The following SLC25A27 variants were observed in gnomAD, a reference collection of about 807,000 sequenced individuals.
SLC25A27 encodes the protein mitochondrial uncoupling protein 4.
Under a neutral mutation model 49.1 loss-of-function variants are expected in SLC25A27, and 35 were observed. That is an observed-to-expected ratio of 0.71 (90% CI 0.54 to 0.95). The LOEUF is 0.95. Among genes scored for constraint, SLC25A27 ranks in the 40% least tolerant of loss-of-function variants. SLC25A27 has a pLI of 0.00. For missense variants in SLC25A27, 339 were observed against 397.1 expected (o/e 0.85, Z 1.24); for synonymous variants, 144 against 136.9 (o/e 1.05, Z -0.36).
intron 3 of SLC25A27, among the ~76,000 whole-genome samples, chr6:46,660,800 GTACTAAGCTA>G (rs1763137490): frequency 6.6e-6 from 1 of 152,136 alleles, no homozygotes; most frequent in South Asian, 2.1e-4. Flanking sequence ...AAATTGTAAT[GTACTAAGCTA>G]TACTAATTGC....
At chr6:46,666,296 C>T (rs1367845125) in intron 5 of SLC25A27, among the ~76,000 whole-genome samples, 4 of 152,144 alleles carry the variant, frequency 2.6e-5, no homozygotes, top group Non-Finnish European at 5.9e-5. Flanking sequence ...ATGTCCATAT[C>T]CTCCACTATA....
intron 6 of SLC25A27, among the ~76,000 whole-genome samples, chr6:46,669,858 A>C (rs1025209230): frequency 1.3e-5 from 2 of 152,126 alleles, no homozygotes; most frequent in Admixed American, 6.6e-5. Flanking sequence ...TCCCAAGTGA[A>C]GTATAAGCTC....
intron 4 of SLC25A27, among the ~76,000 whole-genome samples, chr6:46,664,322 A>G (rs1763256681): frequency 1.3e-5 from 2 of 152,106 alleles, no homozygotes; most frequent in Non-Finnish European, 2.9e-5. Flanking sequence ...TGTCCTTTTT[A>G]CTTCTTAGTC....
chr6:46,654,737 T>C (rs1762915297), intron 1 of SLC25A27, among the ~76,000 whole-genome samples: 1 of 152,190 alleles, frequency 6.6e-6, no homozygotes, highest in Admixed American at 6.5e-5. Context: ...CATATGTCAA[T>C]AAAATATTGC....
rs377488895 is a variant in SLC25A27 at position 46,676,329 on chromosome 6, G to A, written c.901-54G>A. ...TCAAATATATGTATGCACATATGTA[G>A]ACTATTTATAATTGCTTTGAAATAT... On this transcript the variant is annotated intron_variant, in intron 8 of 8. Transcript: ENST00000371347. The A allele has an allele frequency of 5.3e-6, 8 of 1,522,870 alleles. No individual in the cohort carries two copies. In the African/African-American group the frequency reaches 1.1e-4, roughly 21 times the overall value. The allele number at this position is 1,522,870 out of a possible 1,614,324, so 94.3% of individuals were successfully genotyped here.
intron 6 of SLC25A27, 26 bp downstream of exon 6, chr6:46,668,819 G>GTTT (rs374104510): frequency 1.3e-4 from 137 of 1,048,584 alleles, no homozygotes; most frequent in South Asian, 2.2e-4. Flanking sequence ...GTTGGACTCT[G>GTTT]TTTTTTTTTT....
At chr6:46,664,043 T>C (rs1204348712) in intron 4 of SLC25A27, among the ~76,000 whole-genome samples, 1 of 152,204 alleles carries the variant, frequency 6.6e-6, no homozygotes, top group Non-Finnish European at 1.5e-5. Context: ...CCAATAAATA[T>C]GTGATATTAT....
intron 1 of SLC25A27, 109 bp downstream of exon 1, chr6:46,653,407 C>T (rs1208116319): frequency 7.6e-6 from 11 of 1,441,694 alleles, no homozygotes; most frequent in Admixed American, 5.7e-5. Context: ...GAGGTCGCCC[C>T]TTCCATGCCC....
Position 46,653,060 on chromosome 6 carries a change from C to G in SLC25A27, c.-133C>G. On this transcript the variant is annotated 5_prime_UTR_variant, in exon 1 of 9. Transcript: ENST00000371347. The stretch of plus-strand genomic sequence containing the variant: ...AGGTTGCGGGTCCACCCGGCCGAGC[C>G]GAACGAGGGAAATGGTCCTCACCCG... The G allele has an allele frequency of 1.2e-6, 1 of 830,190 alleles. No individual in the cohort carries two copies. The highest frequency in any genetic ancestry group is 2.4e-5 in the Admixed American group (1 of 41,112). The allele number at this position is 830,190 out of a possible 1,614,324, so 51.4% of individuals were successfully genotyped here.
chr6:46,676,946 A>G lies in SLC25A27; in HGVS notation c.*492A>G, dbSNP rs1763817020. The stretch of plus-strand genomic sequence containing the variant: ...CACTTTTCTGTCATTGTTAAAGCGT[A>G]CATACTGTAAATTAAAGGGAGGTGA... On this transcript the variant is annotated 3_prime_UTR_variant, in exon 9 of 9. Transcript: ENST00000371347. The G allele has an allele frequency of 5.0e-6, 2 of 401,386 alleles. No individual in the cohort carries two copies. Among genetic ancestry groups the G allele is most frequent in the East Asian group, 3.7e-5 (1 of 26,924 alleles). The allele number at this position is 401,386 out of a possible 1,614,324, so 24.9% of individuals were successfully genotyped here.
At chr6:46,676,362 C>G (rs765739023) in intron 8 of SLC25A27, 21 bp from the exon 9 acceptor site, 2 of 1,611,000 alleles carry the variant, frequency 1.2e-6, no homozygotes, top group Non-Finnish European at 1.7e-6. Flanking sequence ...TATGCACTAA[C>G]TTCTTTGGTT....
chr6:46,653,461 A>C, intron 1 of SLC25A27, 163 bp downstream of exon 1: 2 of 985,298 alleles, frequency 2.0e-6, no homozygotes, highest in Non-Finnish European at 1.2e-6. Context: ...CGGTGGGAGG[A>C]GGAGGGATTG....
chr6:46,674,826 G>A (rs1763703898), intron 8 of SLC25A27, among the ~76,000 whole-genome samples: 1 of 152,126 alleles, frequency 6.6e-6, no homozygotes, highest in Non-Finnish European at 1.5e-5. Context: ...AAAACAGGAA[G>A]AGCTTATTTG....
intron 1 of SLC25A27, 26 bp from the exon 2 acceptor site, chr6:46,655,817 T>G (rs1162311433): frequency 6.2e-7 from 1 of 1,602,848 alleles, no homozygotes. Context: ...GTTGTGGGTT[T>G]TTCCCTGCAT....
At position 46,678,032 on chromosome 6, in the gene SLC25A27, A is replaced by T. The variant is rs986994806; in HGVS notation, c.*1578A>T. On this transcript the variant is annotated 3_prime_UTR_variant, in exon 9 of 9. Transcript: ENST00000371347. ...ATATGTAATTGCGTTGTAAAATATT[A>T]TATATATATATATATATATATATAT... 7.5e-5 allele frequency: 3 copies of T among 40,110 alleles called. No homozygotes were observed. Among genetic ancestry groups the T allele is most frequent in the African/African-American group, 2.3e-4 (3 of 12,974 alleles). The allele number at this position is 40,110 out of a possible 1,614,324, so 2.5% of individuals were successfully genotyped here.
At chr6:46,667,286 AC>A (rs1763355941) in intron 5 of SLC25A27, among the ~76,000 whole-genome samples, 2 of 152,108 alleles carry the variant, frequency 1.3e-5, no homozygotes, top group African/African-American at 4.8e-5. Flanking sequence ...CCAGAATCTG[AC>A]CAGGGCTCCA....
At chr6:46,663,816 T>G (rs1464975146) in intron 4 of SLC25A27, among the ~76,000 whole-genome samples, 1 of 152,188 alleles carries the variant, frequency 6.6e-6, no homozygotes, top group Non-Finnish European at 1.5e-5. Flanking sequence ...ATATTTTAGC[T>G]TTGTAATCAT....
In SLC25A27 at chr6:46,675,947, T is replaced by C. The variant is rs1005580253; in HGVS notation, c.901-436T>C. On this transcript the variant is annotated intron_variant, in intron 8 of 8. Transcript: ENST00000371347. ...CCTCACTTTCAAGTTCTAAAGTGAC[T>C]TATTTTTATGCTCCATATACAAACT... 8.5e-5 allele frequency among the ~76,000 whole-genome samples: 13 copies of C among 152,188 alleles called. No homozygotes were observed. The East Asian group carries it at 2.3e-3, about 27-fold the overall frequency.
Position 46,659,860 on chromosome 6 carries a change from A to G in SLC25A27, c.383+814A>G, listed in dbSNP as rs899035625. ...ACAGAGCAAGGCTCTGTCTCAAAAA[A>G]TATAAAATAAAAATAAAAAATTGCA... is the stretch of plus-strand genomic sequence containing the variant. On this transcript the variant is annotated intron_variant, in intron 3 of 8. Coordinates refer to ENST00000371347, the MANE Select transcript of SLC25A27 (RefSeq NM_004277.5). 4.7e-5 allele frequency among the ~76,000 whole-genome samples: 7 copies of G among 150,502 alleles called. No individual in the cohort carries two copies. In the Middle Eastern group the frequency reaches 0.01, roughly 226 times the overall value.
Sources: gnomAD v4.1 joint callset for allele counts (sites outside exome capture counted in the v4.1 genomes callset) on GRCh38, gnomAD v4.1.1 for gene constraint, MANE v1.5 for transcripts, NCBI Gene and HGNC (gene_info 2026-07-23, HGNC 2026-07-21) for gene names.